Variants in CHRNA5 observed in about 807,000 individuals in gnomAD.
CHRNA5 encodes the protein cholinergic receptor nicotinic alpha 5 subunit.
A neutral mutation model predicts 41.2 loss-of-function variants in CHRNA5; 28 were observed. That is an observed-to-expected ratio of 0.68 (90% CI 0.50 to 0.93). CHRNA5 has a LOEUF of 0.93. CHRNA5 is among the 40% of genes least tolerant of loss of function. The pLI, the probability that CHRNA5 is intolerant of heterozygous loss-of-function variation, is 0.00. For missense variants in CHRNA5, 481 were observed against 581.9 expected (o/e 0.83, Z 1.78); for synonymous variants, 188 against 205.8 (o/e 0.91, Z 0.74).
intron 1 of CHRNA5, among the ~76,000 whole-genome samples, chr15:78,569,264 G>C (rs541655346): frequency 9.2e-4 from 140 of 152,042 alleles, no homozygotes; most frequent in African/African-American, 3.3e-3. Context: ...GATCTAGCAA[G>C]TAATTTTTTA....
At chr15:78,592,775 A>G (rs981860362) in intron 5 of CHRNA5, among the ~76,000 whole-genome samples, 1 of 151,438 alleles carries the variant, frequency 6.6e-6, no homozygotes, top group Non-Finnish European at 1.5e-5. Flanking sequence ...GAATAAGTAT[A>G]TATAGTAAGA....
At chr15:78,569,120 C>A (rs1567049834) in intron 1 of CHRNA5, among the ~76,000 whole-genome samples, 2 of 152,162 alleles carry the variant, frequency 1.3e-5, no homozygotes, top group African/African-American at 2.4e-5. Flanking sequence ...AATATGTGAA[C>A]TAGACTGAGC....
intron 1 of CHRNA5, among the ~76,000 whole-genome samples, chr15:78,570,424 ATTTTTTTTTTTTT>A (rs71148540): frequency 1.6e-5 from 1 of 64,184 alleles, no homozygotes; most frequent in Non-Finnish European, 2.7e-5. Flanking sequence ...AATCCCGGCT[ATTTTTTTTTTTTT>A]TTTTTTTTTT....
chr15:78,568,253 G>A (rs1040992157), intron 1 of CHRNA5, among the ~76,000 whole-genome samples: 18 of 152,050 alleles, frequency 1.2e-4, no homozygotes, highest in African/African-American at 4.1e-4. Flanking sequence ...AGTGGCTCAG[G>A]AGACAATTAA....
rs368177332 is a variant in CHRNA5 at position 78,581,006 on chromosome 15, G to A, written c.258+44G>A. The A allele has an allele frequency of 3.8e-6, 6 of 1,584,844 alleles. No individual in the cohort carries two copies. In the East Asian group the frequency reaches 6.7e-5, roughly 18 times the overall value. On this transcript the variant is annotated intron_variant, in intron 2 of 5. Transcript: ENST00000299565. ...CTATAGTCAATTTCCCACAGATTTA[G>A]TGAGAGCCTGGTGTGTGCCCAGGCA...
rs147445612 is a variant in CHRNA5, at chr15:78,588,446, T to C, written c.413+23T>C. The C allele has an allele frequency of 8.0e-6, 9 of 1,120,804 alleles. No individual in the cohort carries two copies. The African/African-American group carries it at 1.4e-4, about 18-fold the overall frequency. 69.4% of individuals were successfully genotyped at this position (1,120,804 alleles called of 1,614,324 possible). ...TAAGTAAGTTATATTCTAAATATAG[T>C]TTTATATTTTCAAAAGAAAACATTT... On this transcript the variant is annotated intron_variant, in intron 4 of 5. Transcript: ENST00000299565. This position sits in a 1 kb window ranked among gnomAD's most constrained non-coding sequence, Gnocchi z 4.1.
chr15:78,586,590 G>T, intron 2 of CHRNA5, 55 bp from the exon 3 acceptor site: 1 of 1,034,000 alleles, frequency 9.7e-7, no homozygotes, highest in Non-Finnish European at 1.5e-6. Flanking sequence ...ATTATTTAAA[G>T]AATTATTGTT....
intron 3 of CHRNA5, 23 bp downstream of exon 3, chr15:78,586,712 G>T (rs776348268): frequency 1.0e-5 from 16 of 1,576,254 alleles, no homozygotes; most frequent in South Asian, 3.5e-5. Context: ...AATTCAAACG[G>T]GCACCCAATT....
chr15:78,585,708 CAAAAGTAGGCACG>C (rs1363867485), intron 2 of CHRNA5, among the ~76,000 whole-genome samples: 4 of 151,800 alleles, frequency 2.6e-5, no homozygotes, highest in Non-Finnish European at 1.5e-5. Context: ...CAGTTCTCTA[CAAAAGTAGGCACG>C]AAAAGCTTTA....
At position 78,590,655 on chromosome 15, in the gene CHRNA5, C is replaced by G. The variant is rs1296715589; in HGVS notation, c.1245+19C>G. 1 of 1,562,532 alleles carries G rather than the reference C, an allele frequency of 6.4e-7. No homozygotes were observed. Among genetic ancestry groups the G allele is most frequent in the Non-Finnish European group, 8.7e-7 (1 of 1,148,680 alleles). On this transcript the variant is annotated intron_variant, in intron 5 of 5. Coordinates refer to ENST00000299565, the Ensembl canonical transcript of CHRNA5. ...CCGTGAGGTCTGTGATGTGTATTTACAAATGCAGATCTTCTTCCATTTTAA... is the reference window on the plus strand; with the variant it reads ...CCGTGAGGTCTGTGATGTGTATTTAGAAATGCAGATCTTCTTCCATTTTAA...
exon 5 of CHRNA5, chr15:78,590,082 A>ACCG: frequency 6.2e-7 from 1 of 1,614,244 alleles, no homozygotes; most frequent in Non-Finnish European, 8.5e-7. Context: ...AGGAAACAGA[A>ACCG]CCGACAGCTG....
chr15:78,589,976 A>G (rs749078312), exon 5 of CHRNA5: 3 of 1,614,184 alleles, frequency 1.9e-6, no homozygotes, highest in South Asian at 1.1e-5. Flanking sequence ...CTTATGATGG[A>G]TCACAGGTTG....
chr15:78,578,261 A>G (rs1275531692), intron 1 of CHRNA5, among the ~76,000 whole-genome samples: 2 of 152,208 alleles, frequency 1.3e-5, no homozygotes, highest in African/African-American at 4.8e-5. Flanking sequence ...TAATCCCAGC[A>G]CTTTGGGAGG....
At position 78,589,895 on chromosome 15, in the gene CHRNA5, T is replaced by G. The variant is rs754212902; in HGVS notation, c.504T>G (p.Ser168Arg). The G allele has an allele frequency of 6.8e-6, 11 of 1,614,078 alleles. No individual in the cohort carries two copies. The South Asian group carries it at 1.2e-4, about 18-fold the overall frequency. Residue 168 changes from serine (S) to arginine (R), a missense_variant, in exon 5 of 6, where the codon AGT becomes AGG. Physicochemically the swap from Ser to Arg is moderately radical, Grantham distance 110. Transcript: ENST00000299565. ...GGACTCCACCGGCAAACTACAAAAG[T>G]TCCTGTACCATAGATGTCACGTTTT...
chr15:78,590,427 A>G (rs964002776), exon 5 of CHRNA5: 1 of 1,614,174 alleles, frequency 6.2e-7, no homozygotes, highest in Non-Finnish European at 8.5e-7. Flanking sequence ...CTCAACACAT[A>G]ATGCCATGGC....
intron 2 of CHRNA5, among the ~76,000 whole-genome samples, chr15:78,584,535 A>G (rs1402294348): frequency 1.3e-5 from 2 of 152,174 alleles, no homozygotes; most frequent in Non-Finnish European, 2.9e-5. Flanking sequence ...GGTATCCCTT[A>G]TGGTAATGGC....
At chr15:78,565,633 C>A in exon 1 of CHRNA5, 1 of 328,060 alleles carries the variant, frequency 3.0e-6, no homozygotes, top group Non-Finnish European at 4.8e-6. Flanking sequence ...TCACGACTCA[C>A]ACTCAGTGCT....
intron 2 of CHRNA5, among the ~76,000 whole-genome samples, chr15:78,581,696 T>C (rs952703296): frequency 1.3e-5 from 2 of 152,114 alleles, no homozygotes; most frequent in South Asian, 2.1e-4. Context: ...AAAATACAAA[T>C]GAGAAAATAA....
At chr15:78,594,222 C>A (rs1400000354) in exon 6 of CHRNA5, 1 of 152,182 alleles carries the variant, frequency 6.6e-6, no homozygotes, top group Non-Finnish European at 1.5e-5. Flanking sequence ...GTAGACAACT[C>A]CTGTGGACAC....
Sources: gnomAD v4.1 joint callset for allele counts (sites outside exome capture counted in the v4.1 genomes callset) on GRCh38, gnomAD v4.1.1 for gene constraint, Gnocchi (gnomAD v3.1) non-coding constraint, MANE v1.5 for transcripts, NCBI Gene and HGNC (gene_info 2026-07-23, HGNC 2026-07-21) for gene names.